The following CNNM2 variants were observed in gnomAD, a reference collection of about 807,000 sequenced individuals.
CNNM2 encodes metal transporter CNNM2.
CNNM2 carries 12 observed loss-of-function variants against 66.9 expected under a neutral mutation model. That is an observed-to-expected ratio of 0.18 (90% CI 0.11 to 0.29). The LOEUF is 0.29. CNNM2 is among the 10% of genes least tolerant of loss of function. The pLI is 1.00. For synonymous variants in CNNM2, 557 were observed against 501.8 expected, an observed-to-expected ratio of 1.11 and a Z score of -1.47; for missense variants, 705 against 1,167.7, an observed-to-expected ratio of 0.60 and a Z score of 5.77.
intron 1 of CNNM2, among the ~76,000 whole-genome samples, chr10:103,000,348 G>A (rs1002357343): frequency 2.6e-5 from 4 of 152,028 alleles, no homozygotes; most frequent in Admixed American, 6.6e-5. Flanking sequence ...TAGAATTACC[G>A]TATGATCCAG....
chr10:102,963,029 T>C (rs2063409135), intron 1 of CNNM2, among the ~76,000 whole-genome samples: 1 of 152,154 alleles, frequency 6.6e-6, no homozygotes. Flanking sequence ...TGTAGGTACA[T>C]TTTCACATTT....
At chr10:102,945,864 T>A (rs1335110341) in intron 1 of CNNM2, among the ~76,000 whole-genome samples, 1 of 152,048 alleles carries the variant, frequency 6.6e-6, no homozygotes. Flanking sequence ...CTCCTTGAGG[T>A]CAGGAATTTT....
chr10:102,921,127 C>A, intron 1 of CNNM2: 5 of 710,104 alleles, frequency 7.0e-6, no homozygotes, highest in Non-Finnish European at 8.6e-6. Context: ...TAAATAGCAA[C>A]TTGTACTATT....
intron 1 of CNNM2, among the ~76,000 whole-genome samples, chr10:102,968,228 T>C (rs935237559): frequency 6.6e-6 from 1 of 151,722 alleles, no homozygotes; most frequent in Non-Finnish European, 1.5e-5. Context: ...CATCTTTTTG[T>C]TGTTGTTGTT....
chr10:102,948,249 C>T (rs771688743), intron 1 of CNNM2, among the ~76,000 whole-genome samples: 94 of 152,192 alleles, frequency 6.2e-4, no homozygotes, highest in Middle Eastern at 3.4e-3. Context: ...AATCATCACA[C>T]GAATAAACTC....
At chr10:102,950,512 G>A (rs540618965) in intron 1 of CNNM2, among the ~76,000 whole-genome samples, 1 of 152,208 alleles carries the variant, frequency 6.6e-6, no homozygotes, top group African/African-American at 2.4e-5. Context: ...TGTAATCTTA[G>A]CACTTTGGGA....
At chr10:103,048,649 G>T (rs1480590348) in intron 1 of CNNM2, among the ~76,000 whole-genome samples, 2 of 149,560 alleles carry the variant, frequency 1.3e-5, no homozygotes, top group Non-Finnish European at 3.0e-5. Flanking sequence ...ACCATAGTTT[G>T]TCTAGTAGTC....
In CNNM2 at chr10:103,040,009, A is replaced by G. The variant is rs578221651; in HGVS notation, c.1622-9698A>G. On this transcript the variant is annotated intron_variant, in intron 1 of 7. Coordinates refer to ENST00000369878, the MANE Select transcript of CNNM2 (RefSeq NM_017649.5). ...TGGTGAAACCCTGTCTCTACTAAAAATACAAAAATTAGCCAGGCATGGTGG... is the reference window on the plus strand; with the variant it reads ...TGGTGAAACCCTGTCTCTACTAAAAGTACAAAAATTAGCCAGGCATGGTGG... Among the ~76,000 whole-genome samples, 29 of 152,188 alleles carry G rather than the reference A, an allele frequency of 1.9e-4. 1 individual carries two copies. The South Asian group carries it at 5.0e-3, about 26-fold the overall frequency.
intron 1 of CNNM2, chr10:102,927,475 G>C: frequency 1.9e-6 from 3 of 1,595,254 alleles, no homozygotes; most frequent in Non-Finnish European, 2.6e-6. Context: ...AGGGGTGGCA[G>C]TTGGCTGGGC....
intron 1 of CNNM2, among the ~76,000 whole-genome samples, chr10:103,026,654 A>G (rs2064711854): frequency 6.6e-6 from 1 of 150,870 alleles, no homozygotes; most frequent in Non-Finnish European, 1.5e-5. Flanking sequence ...ACCAATTCTT[A>G]GTAAAATTTC....
chr10:103,069,850 C>T (rs2065545235), intron 5 of CNNM2, among the ~76,000 whole-genome samples: 1 of 152,194 alleles, frequency 6.6e-6, no homozygotes, highest in South Asian at 2.1e-4. Flanking sequence ...ACTTCATTTA[C>T]AAACCTCAAA....
chr10:103,084,023 C>T lies in CNNM2; in HGVS notation c.*6843C>T, dbSNP rs1409643092. The T allele has an allele frequency of 3.3e-5, 5 of 152,176 alleles. No homozygotes were observed. The highest frequency in any genetic ancestry group is 7.3e-5 in the Non-Finnish European group (5 of 68,032). The allele number at this position is 152,176 out of a possible 1,614,324, so 9.4% of individuals were successfully genotyped here. On this transcript the variant is annotated 3_prime_UTR_variant, in exon 8 of 8. Coordinates refer to ENST00000369878, the MANE Select transcript of CNNM2 (RefSeq NM_017649.5). ...GGTGTGTATGATACACGTTCTTTTC[C>T]ATCACTACTTTGTCTTCTGTTCCTT...
intron 1 of CNNM2, among the ~76,000 whole-genome samples, chr10:103,025,944 A>G (rs952345138): frequency 1.3e-5 from 2 of 152,218 alleles, no homozygotes; most frequent in Non-Finnish European, 2.9e-5. Flanking sequence ...ATGGGGGTCT[A>G]ATAAGAGGTG....
At chr10:103,015,780 G>A (rs574191036) in intron 1 of CNNM2, among the ~76,000 whole-genome samples, 2 of 152,182 alleles carry the variant, frequency 1.3e-5, no homozygotes, top group Non-Finnish European at 2.9e-5. Flanking sequence ...TTGAACCCGG[G>A]AGGTAGAAGT....
chr10:103,071,991 C>T (rs114210667), intron 6 of CNNM2, among the ~76,000 whole-genome samples, 152 bp downstream of exon 6: 211 of 152,258 alleles, frequency 1.4e-3, no homozygotes, highest in African/African-American at 4.8e-3. Context: ...AACTTTATAG[C>T]GAGCTCTCCA....
At chr10:103,014,914 C>G (rs1382427788) in intron 1 of CNNM2, among the ~76,000 whole-genome samples, 1 of 151,838 alleles carries the variant, frequency 6.6e-6, no homozygotes, top group Non-Finnish European at 1.5e-5. Flanking sequence ...AAATTATAAA[C>G]TTGACTAGAA....
intron 1 of CNNM2, among the ~76,000 whole-genome samples, chr10:103,018,059 G>A (rs745402265): frequency 2.1e-4 from 32 of 152,106 alleles, no homozygotes; most frequent in Non-Finnish European, 4.3e-4. Context: ...GGAGGTTTGG[G>A]AGAGTTTTGA....
chr10:103,084,059 T>G lies in CNNM2; in HGVS notation c.*6879T>G, dbSNP rs2065780887. Reference sequence around the variant, plus strand: ...TGTCTTCTGTTCCTTCTTACCCTCATCACTCACATGAGACCAGTCCCTGAA... The same window carrying G: ...TGTCTTCTGTTCCTTCTTACCCTCAGCACTCACATGAGACCAGTCCCTGAA... On this transcript the variant is annotated 3_prime_UTR_variant, in exon 8 of 8. Transcript: ENST00000369878. 6.6e-6 allele frequency: 1 copy of G among 152,234 alleles called. No homozygotes were observed. The highest frequency in any genetic ancestry group is 2.4e-5 in the African/African-American group (1 of 41,454). The allele number at this position is 152,234 out of a possible 1,614,324, so 9.4% of individuals were successfully genotyped here.
intron 1 of CNNM2, among the ~76,000 whole-genome samples, chr10:102,926,415 T>C (rs1275308441): frequency 1.3e-5 from 2 of 152,210 alleles, no homozygotes; most frequent in East Asian, 3.8e-4. Context: ...CTATCTTTCC[T>C]GAAGCATTCT....
Sources: allele counts gnomAD v4.1 joint callset (sites outside exome capture counted in the v4.1 genomes callset), GRCh38; gene constraint gnomAD v4.1.1; transcripts MANE v1.5; gene names NCBI Gene and HGNC (gene_info 2026-07-23, HGNC 2026-07-21).